PROZ: variants seen among roughly 807,000 people sequenced by gnomAD.
PROZ encodes protein Z, vitamin K dependent plasma glycoprotein.
Under a neutral mutation model 34.9 loss-of-function variants are expected in PROZ, and 46 were observed. The ratio of observed to expected loss-of-function variants is 1.32; its 90% CI spans 1.04 to 1.69. The LOEUF is 1.69. Ranked by LOEUF, PROZ falls within the 40% of genes most tolerant of loss-of-function variation. The probability of loss-of-function intolerance (pLI) is 0.00; values close to 1 mark genes in which losing one functional copy is unlikely to be tolerated. For missense variants in PROZ, 530 were observed against 520.4 expected, an observed-to-expected ratio of 1.02 and a Z score of -0.18; for synonymous variants, 195 against 208.5, an observed-to-expected ratio of 0.94 and a Z score of 0.56.
intron 4 of PROZ, among the ~76,000 whole-genome samples, chr13:113,163,966 C>CTTTTTTTTTTTTT (rs34345554): frequency 6.9e-6 from 1 of 145,494 alleles, no homozygotes; most frequent in Non-Finnish European, 1.5e-5. Context: ...CTCATGGAGT[C>CTTTTTTTTTTTTT]TTTTTTTTTT....
chr13:113,171,354 A>C lies in PROZ; in HGVS notation c.692-240A>C, dbSNP rs2037105481. ...TTTCACCACACCCCACTGCACTCCA[A>C]AACAGAAGAACTAACCTTGACTGTT... On this transcript the variant is annotated intron_variant, in intron 7 of 7. Transcript: ENST00000375547. This position sits in a 1 kb window ranked among gnomAD's most constrained non-coding sequence, Gnocchi z 5.1. Among the ~76,000 whole-genome samples the C allele has an allele frequency of 6.6e-6, 1 of 152,158 alleles. No individual in the cohort carries two copies. The highest frequency in any genetic ancestry group is 1.5e-5 in the Non-Finnish European group (1 of 68,030).
In PROZ at chr13:113,163,090, C is replaced by A. The variant is rs2036793407; in HGVS notation, c.341C>A (p.Ser114Tyr). The A allele has an allele frequency of 6.4e-7, 1 of 1,557,434 alleles. No homozygotes were observed. The highest frequency in any genetic ancestry group is 8.7e-7 in the Non-Finnish European group (1 of 1,149,912). ...ATCTGGGGCTACACCTGCACCTGCTCCCCCGGCTATGAGGGCAGCAACTGC... is the reference window on the plus strand; with the variant it reads ...ATCTGGGGCTACACCTGCACCTGCTACCCCGGCTATGAGGGCAGCAACTGC... The part of the protein sequence containing the change: ...DSIWGYTCTC[S>Y]PGYEGSNCEL... The change falls in exon 4 of 8, where the codon TCC becomes TAC. Residue 114 changes from serine to tyrosine, a missense_variant. By Grantham distance (144) the Ser-to-Tyr change is moderately radical (BLOSUM62 -2). Coordinates refer to ENST00000375547, the MANE Select transcript of PROZ (RefSeq NM_003891.3).
rs1222665263 is a variant in PROZ, at chr13:113,172,133, A to C, written c.*28A>C. 1.1e-5 allele frequency: 18 copies of C among 1,609,840 alleles called. No individual in the cohort carries two copies. The highest frequency in any genetic ancestry group is 1.4e-5 in the Non-Finnish European group (17 of 1,178,940). On this transcript the variant is annotated 3_prime_UTR_variant, in exon 8 of 8. Transcript: ENST00000375547. ...GAAACTCAGCTAGCCAGAATGAACA[A>C]CACAACCGGAAGCGGGATTCCAAGC...
At chr13:113,166,875 C>T (rs1180345533) in intron 6 of PROZ, among the ~76,000 whole-genome samples, 8 of 152,170 alleles carry the variant, frequency 5.3e-5, no homozygotes, top group African/African-American at 9.6e-5. Flanking sequence ...AGAGAGGGTG[C>T]GGTTCTAGTC....
chr13:113,164,853 C>G (rs1210866856), intron 5 of PROZ, 200 bp from the exon 6 acceptor site: 2 of 953,802 alleles, frequency 2.1e-6, no homozygotes, highest in Admixed American at 2.0e-5. Flanking sequence ...CCACTCTGAG[C>G]TAAACCATGA....
At chr13:113,167,709 A>G (rs766189547) in intron 6 of PROZ, among the ~76,000 whole-genome samples, 6 of 152,380 alleles carry the variant, frequency 3.9e-5, no homozygotes, top group Middle Eastern at 3.4e-3. Context: ...TAGGTAGTAT[A>G]TAATTGGCTT....
intron 6 of PROZ, among the ~76,000 whole-genome samples, 158 bp from the exon 7 acceptor site, chr13:113,170,255 T>C (rs1169787532): frequency 7.5e-6 from 1 of 132,960 alleles, no homozygotes. Context: ...TCCTGTACCA[T>C]TTGAGTGCTG....
chr13:113,165,634 G>A (rs3024739), intron 6 of PROZ, among the ~76,000 whole-genome samples: 26,265 of 152,158 alleles, frequency 0.17, 2,910 homozygotes, highest in South Asian at 0.42. Flanking sequence ...GGGCACAAGC[G>A]CTTTCCCTGC....
intron 5 of PROZ, 36 bp downstream of exon 5, chr13:113,164,680 A>G (rs774822811): frequency 2.5e-6 from 4 of 1,611,784 alleles, no homozygotes; most frequent in African/African-American, 2.7e-5. Context: ...CCAGCTTCCA[A>G]TGCCAGCGAC....
chr13:113,164,895 T>C (rs1454085901), intron 5 of PROZ, 158 bp from the exon 6 acceptor site: 2 of 953,790 alleles, frequency 2.1e-6, no homozygotes, highest in Admixed American at 4.0e-5. Flanking sequence ...CTCCAGTCTG[T>C]GTGTCTGTGA....
rs1218036211 is a variant in PROZ, at chr13:113,159,149, CAT to C, written c.70+421_70+422del. 7.3e-7 allele frequency: 1 copy of C among 1,363,742 alleles called. No individual in the cohort carries two copies. Among genetic ancestry groups the C allele is most frequent in the Non-Finnish European group, 1.0e-6 (1 of 977,426 alleles). 84.5% of individuals were successfully genotyped at this position (1,363,742 alleles called of 1,614,324 possible). On this transcript the variant is annotated intron_variant, in intron 1 of 7. Transcript: ENST00000375547. The surrounding 1 kb of genome is among the most constrained non-coding windows in gnomAD (Gnocchi z 4.6). Reference sequence around the variant, plus strand: ...GAATGCCCAGTCTTGAGTCAGGAGACATAGCCAGGGAGCAGCCACCCTGCCTG... The same window carrying C: ...GAATGCCCAGTCTTGAGTCAGGAGACAGCCAGGGAGCAGCCACCCTGCCTG...
Position 113,172,242 on chromosome 13 carries a change from C to A in PROZ, c.*137C>A, listed in dbSNP as rs987791377. On this transcript the variant is annotated 3_prime_UTR_variant, in exon 8 of 8. Coordinates refer to ENST00000375547, the MANE Select transcript of PROZ (RefSeq NM_003891.3). ...CCCCAGACCACCCGCTTGGCCCACG[C>A]AGCAGCAGAGCCGCCGTTTGCTGGG... 4 of 1,254,180 alleles carry A rather than the reference C, an allele frequency of 3.2e-6. No individual in the cohort carries two copies. In the Admixed American group the frequency reaches 6.0e-5, roughly 19 times the overall value. The allele number at this position is 1,254,180 out of a possible 1,614,324, so 77.7% of individuals were successfully genotyped here. A position where few individuals can be genotyped will look rare whatever the true frequency, so the allele number is the denominator to read the frequency against.
At chr13:113,167,473 C>G (rs3024747) in intron 6 of PROZ, among the ~76,000 whole-genome samples, 30,945 of 152,060 alleles carry the variant, frequency 0.2, 3,926 homozygotes, top group East Asian at 0.55. Context: ...GCTATGTGGG[C>G]ACATGCTTTA....
Position 113,171,501 on chromosome 13 carries a change from C to T in PROZ, c.692-93C>T. ...TGCGGGTCCTCCAGGGCCGGTCTCT[C>T]CCTCCTCACGTGGCTCCCTGAGAAG... On this transcript the variant is annotated intron_variant, in intron 7 of 7. Transcript: ENST00000375547. The surrounding 1 kb of genome is among the most constrained non-coding windows in gnomAD (Gnocchi z 5.1). 6.5e-7 allele frequency: 1 copy of T among 1,539,444 alleles called. No individual in the cohort carries two copies. The highest frequency in any genetic ancestry group is 1.8e-5 in the Admixed American group (1 of 56,142).
chr13:113,164,199 T>G (rs3024729), intron 4 of PROZ, among the ~76,000 whole-genome samples: 1 of 151,984 alleles, frequency 6.6e-6, no homozygotes, highest in Non-Finnish European at 1.5e-5. Flanking sequence ...AGGCTGGTCT[T>G]GATCTCCTGA....
In PROZ at chr13:113,164,746, T is replaced by C. The variant is rs1490260556; in HGVS notation, c.505+102T>C. 4 of 1,535,248 alleles carry C rather than the reference T, an allele frequency of 2.6e-6. No individual in the cohort carries two copies. In the East Asian group the frequency reaches 7.2e-5, roughly 28 times the overall value. On this transcript the variant is annotated intron_variant, in intron 5 of 7. Coordinates refer to ENST00000375547, the MANE Select transcript of PROZ (RefSeq NM_003891.3). Reference sequence around the variant, plus strand: ...CTGGGTGAAGCCCGCGGATTTGTGATAAGCAGTTGCCACGACTCAGAAGGT... The same window carrying C: ...CTGGGTGAAGCCCGCGGATTTGTGACAAGCAGTTGCCACGACTCAGAAGGT...
chr13:113,160,385 T>C (rs1271003508), intron 2 of PROZ, among the ~76,000 whole-genome samples: 1 of 152,114 alleles, frequency 6.6e-6, no homozygotes, highest in African/African-American at 2.4e-5. Context: ...GGGCTGGAAG[T>C]CAGCTCAGAG....
In PROZ at chr13:113,171,882, G is replaced by A; in HGVS notation, c.980G>A (p.Cys327Tyr). The change falls in exon 8 of 8, where the codon TGC becomes TAC. Residue 327 changes from cysteine (C) to tyrosine (Y), a missense_variant. Physicochemically the swap from Cys to Tyr is radical, Grantham distance 194. Transcript: ENST00000375547. The surrounding 1 kb of genome is among the most constrained non-coding windows in gnomAD (Gnocchi z 5.1). ...RPVTLVEGEE[C>Y]GQVLNVTVTT... The stretch of plus-strand genomic sequence containing the variant: ...GTCACACTTGTGGAGGGGGAGGAGT[G>A]CGGGCAGGTCCTGAATGTGACTGTC... 6.2e-7 allele frequency: 1 copy of A among 1,613,726 alleles called. No individual in the cohort carries two copies. The highest frequency in any genetic ancestry group is 8.5e-7 in the Non-Finnish European group (1 of 1,180,054).
chr13:113,163,616 T>C (rs930966378), intron 4 of PROZ, among the ~76,000 whole-genome samples: 2 of 152,164 alleles, frequency 1.3e-5, no homozygotes, highest in Non-Finnish European at 2.9e-5. Context: ...GGGGAAAACC[T>C]TCCTCCCAGC....
Sources: allele counts gnomAD v4.1 joint callset (sites outside exome capture counted in the v4.1 genomes callset), GRCh38; gene constraint gnomAD v4.1.1; non-coding constraint Gnocchi (gnomAD v3.1); transcripts MANE v1.5; gene names NCBI Gene and HGNC (gene_info 2026-07-23, HGNC 2026-07-21).